The following FMO2 variants were observed in gnomAD, a reference collection of about 807,000 sequenced individuals.
FMO2 encodes the protein flavin-containing monooxygenase 2.
A neutral mutation model predicts 41.6 loss-of-function variants in FMO2; 33 were observed. That is an observed-to-expected ratio of 0.79 (90% CI 0.60 to 1.06). FMO2 has a LOEUF of 1.06. Among genes scored for constraint, FMO2 ranks in the 50% least tolerant of loss-of-function variants. FMO2 has a pLI of 0.00. For synonymous variants in FMO2, 214 were observed against 219.6 expected (o/e 0.97, Z 0.23); for missense variants, 619 against 632.9 (o/e 0.98, Z 0.23).
chr1:171,198,057 C>T (rs896952087), intron 4 of FMO2, among the ~76,000 whole-genome samples: 7 of 152,168 alleles, frequency 4.6e-5, no homozygotes, highest in Non-Finnish European at 8.8e-5. Context: ...TTTCTAACAC[C>T]AGGCAATGCT....
Position 171,199,340 on chromosome 1 carries a change from C to A in FMO2, c.485-6C>A. On this transcript the variant is annotated splice_polypyrimidine_tract_variant and splice_region_variant and intron_variant, in intron 4 of 8. Transcript: ENST00000209929. ...CTCACAGACTTCTCTCTTCTTCCCC[C>A]TGAAGGTATGGAGAGGTTCAAAGGC... 1 of 1,584,396 alleles carries A rather than the reference C, an allele frequency of 6.3e-7. No homozygotes were observed. The highest frequency in any genetic ancestry group is 1.2e-5 in the South Asian group (1 of 84,924).
At chr1:171,198,458 TGCAGTG>T (rs1314044550) in intron 4 of FMO2, among the ~76,000 whole-genome samples, 1 of 150,680 alleles carries the variant, frequency 6.6e-6, no homozygotes, top group Non-Finnish European at 1.5e-5. Context: ...CAGACTGGAG[TGCAGTG>T]GCACGATCTC....
At chr1:171,207,352 A>C (rs1476314564) in intron 7 of FMO2, among the ~76,000 whole-genome samples, 1 of 152,148 alleles carries the variant, frequency 6.6e-6, no homozygotes, top group Non-Finnish European at 1.5e-5. Flanking sequence ...AGATCTTTCC[A>C]AAAAATAAAT....
intron 3 of FMO2, among the ~76,000 whole-genome samples, chr1:171,194,522 C>T (rs762516466): frequency 6.6e-6 from 1 of 152,182 alleles, no homozygotes; most frequent in Non-Finnish European, 1.5e-5. Context: ...CTTTGGGAGG[C>T]TGAGGCAGGA....
intron 2 of FMO2, chr1:171,186,048 C>T (rs1657834207): frequency 6.8e-6 from 3 of 438,934 alleles, no homozygotes; most frequent in Non-Finnish European, 8.1e-6. Flanking sequence ...GGTAGCTGAC[C>T]CAGGCATGTA....
rs767333255 is a variant in FMO2 at position 171,196,712 on chromosome 1, A to G, written c.385A>G (p.Thr129Ala). The change falls in exon 4 of 9, where the codon ACT (threonine) becomes GCT (alanine). Residue 129 changes from threonine (T) to alanine (A), a missense_variant. Coordinates refer to ENST00000209929, the MANE Select transcript of FMO2 (RefSeq NM_001460.5). ...ATCCTCTGGCCAATGGAAGGTTGTC[A>G]CTCAGAGCAACGGCAAGGAGCAGAG... ...FSSSGQWKVV[T>A]QSNGKEQSAV... The G allele has an allele frequency of 6.8e-6, 11 of 1,613,662 alleles. No homozygotes were observed. Among genetic ancestry groups the G allele is most frequent in the Non-Finnish European group, 9.3e-6 (11 of 1,179,890 alleles).
In FMO2 at chr1:171,207,712, C is replaced by T. The variant is rs1477708689; in HGVS notation, c.1184-6C>T. ...TTACTATTCAAACCAACCTTTTATT[C>T]CTTAGGCTTGTGTAGCCTGCCCTCA... On this transcript the variant is annotated splice_region_variant and splice_polypyrimidine_tract_variant and intron_variant, in intron 7 of 8. Coordinates refer to ENST00000209929, the MANE Select transcript of FMO2 (RefSeq NM_001460.5). 1 of 1,593,138 alleles carries T rather than the reference C, an allele frequency of 6.3e-7. No individual in the cohort carries two copies. The highest frequency in any genetic ancestry group is 8.6e-7 in the Non-Finnish European group (1 of 1,164,718).
chr1:171,188,552 A>G (rs1189559362), intron 2 of FMO2, among the ~76,000 whole-genome samples: 1 of 152,200 alleles, frequency 6.6e-6, no homozygotes, highest in Non-Finnish European at 1.5e-5. Context: ...GCAAAATTTC[A>G]TAGGCTGCCT....
rs760606831 is a variant in FMO2, at chr1:171,209,439, A to G, written c.*294A>G. On this transcript the variant is annotated 3_prime_UTR_variant, in exon 9 of 9. Coordinates refer to ENST00000209929, the MANE Select transcript of FMO2 (RefSeq NM_001460.5). ...AGTGCTGCCAACCCTGATATAGGGGAGTTGTATGGAAAAATAGTAGAATTA... is the reference window on the plus strand; with the variant it reads ...AGTGCTGCCAACCCTGATATAGGGGGGTTGTATGGAAAAATAGTAGAATTA... 3.9e-5 allele frequency: 10 copies of G among 255,282 alleles called. No individual in the cohort carries two copies. Among genetic ancestry groups the G allele is most frequent in the Non-Finnish European group, 5.8e-5 (8 of 137,102 alleles). The allele number at this position is 255,282 out of a possible 1,614,324, so 15.8% of individuals were successfully genotyped here. A position where few individuals can be genotyped will look rare whatever the true frequency, so the allele number is the denominator to read the frequency against.
rs531458466 is a variant in FMO2 at position 171,185,356 on chromosome 1, AAAGGT to A, written c.-7+2_-7+6del. On this transcript the variant is annotated splice_donor_variant and 5_prime_UTR_variant, in exon 1 of 9. Coordinates refer to ENST00000209929, the MANE Select transcript of FMO2 (RefSeq NM_001460.5). LOFTEE classifies it low-confidence loss of function (5UTR_SPLICE). Reference sequence around the variant, plus strand: ...AGAGACGGTGCCAAAAGGCAAAAACAAAGGTAAGGATGATCGCTGGGGAAAGAAGC... The same window carrying A: ...AGAGACGGTGCCAAAAGGCAAAAACAAAGGATGATCGCTGGGGAAAGAAGC... 4.7e-3 allele frequency: 749 copies of A among 160,616 alleles called. 10 individuals are homozygous for A. The highest frequency in any genetic ancestry group is 0.017 in the African/African-American group (694 of 41,836). The allele number at this position is 160,616 out of a possible 1,614,324, so 9.9% of individuals were successfully genotyped here. A position where few individuals can be genotyped will look rare whatever the true frequency, so the allele number is the denominator to read the frequency against.
rs1056552120 is a variant in FMO2, at chr1:171,211,112, G to T, written c.*1967G>T. 1.4e-4 allele frequency: 22 copies of T among 151,910 alleles called. No homozygotes were observed. Among genetic ancestry groups the T allele is most frequent in the African/African-American group, 5.1e-4 (21 of 41,230 alleles). 9.4% of individuals were successfully genotyped at this position (151,910 alleles called of 1,614,324 possible). ...TATTAAAGATTATTTGTAAGTCATT[G>T]TATTAATAATACTAATAAAATTTAT... On this transcript the variant is annotated 3_prime_UTR_variant, in exon 9 of 9. Coordinates refer to ENST00000209929, the MANE Select transcript of FMO2 (RefSeq NM_001460.5).
intron 6 of FMO2, among the ~76,000 whole-genome samples, chr1:171,204,942 A>G (rs1245494528): frequency 1.2e-4 from 19 of 152,218 alleles, no homozygotes; most frequent in Admixed American, 1.2e-3. Context: ...ATAGCATGAA[A>G]AAGGTTAAAA....
At chr1:171,194,999 G>A (rs7518693) in intron 3 of FMO2, among the ~76,000 whole-genome samples, 20,791 of 152,176 alleles carry the variant, frequency 0.14, 1,484 homozygotes, top group South Asian at 0.15. Context: ...AGAAGGTTTT[G>A]TAACTTTGTG....
chr1:171,192,029 T>A (rs1658105715), intron 2 of FMO2, among the ~76,000 whole-genome samples: 1 of 152,078 alleles, frequency 6.6e-6, no homozygotes. Flanking sequence ...AGTGAGACCC[T>A]GTCTCAAAAA....
At chr1:171,198,826 T>C (rs1658406050) in intron 4 of FMO2, among the ~76,000 whole-genome samples, 1 of 152,152 alleles carries the variant, frequency 6.6e-6, no homozygotes, top group African/African-American at 2.4e-5. Flanking sequence ...TTGTCTCTGA[T>C]AGAGACAAAC....
intron 4 of FMO2, 157 bp from the exon 5 acceptor site, chr1:171,199,189 C>G: frequency 1.6e-6 from 1 of 616,850 alleles, no homozygotes; most frequent in Non-Finnish European, 2.6e-6. Context: ...CCCACCTGGT[C>G]TGGTACCTAA....
intron 7 of FMO2, 60 bp downstream of exon 7, chr1:171,205,694 T>TGATAAGAAGGTTGCCTGA (rs1255621053): frequency 7.6e-6 from 9 of 1,177,034 alleles, no homozygotes; most frequent in Admixed American, 7.3e-5. Flanking sequence ...TTATCAATAA[T>TGATAAGAAGGTTGCCTGA]GATAAGAAGG....
rs752370036 is a variant in FMO2 at position 171,193,328 on chromosome 1, C to T, written c.133-7C>T. On this transcript the variant is annotated splice_region_variant and splice_polypyrimidine_tract_variant and intron_variant, in intron 2 of 8. Transcript: ENST00000209929. ...ATTATCACTAATTATTTTATTTGAT[C>T]CTTCAGGAGAATGTGGAAGATGGCC... 2 of 1,570,438 alleles carry T rather than the reference C, an allele frequency of 1.3e-6. No homozygotes were observed. Among genetic ancestry groups the T allele is most frequent in the South Asian group, 1.2e-5 (1 of 84,794 alleles).
chr1:171,201,189 C>T (rs1293465439), intron 5 of FMO2, among the ~76,000 whole-genome samples: 1 of 152,052 alleles, frequency 6.6e-6, no homozygotes, highest in Non-Finnish European at 1.5e-5. Flanking sequence ...GTGTAAATGC[C>T]ACTAGATGCC....
Sources: gnomAD v4.1 joint callset for allele counts (sites outside exome capture counted in the v4.1 genomes callset) on GRCh38, gnomAD v4.1.1 for gene constraint, MANE v1.5 for transcripts, NCBI Gene and HGNC (gene_info 2026-07-23, HGNC 2026-07-21) for gene names.